The following TTLL9 variants were observed in gnomAD, a reference collection of about 807,000 sequenced individuals.
TTLL9 encodes tubulin tyrosine ligase like 9.
In TTLL9, 47 loss-of-function variants were observed where a neutral mutation model predicts 65.6. The ratio of observed to expected loss-of-function variants is 0.72; its 90% CI spans 0.57 to 0.91. The LOEUF (loss-of-function observed/expected upper bound fraction) is 0.91, where lower values mean the gene tolerates loss of function less well. Among genes scored for constraint, TTLL9 ranks in the 40% least tolerant of loss-of-function variants. The pLI is 0.00. For synonymous variants in TTLL9, 179 were observed against 204.8 expected (o/e 0.87, Z 1.07); for missense variants, 537 against 568.8 (o/e 0.94, Z 0.57).
chr20:31,930,572 T>C (rs1467641147), intron 10 of TTLL9, among the ~76,000 whole-genome samples: 1 of 152,216 alleles, frequency 6.6e-6, no homozygotes, highest in African/African-American at 2.4e-5. Flanking sequence ...GGGATTTTCA[T>C]GTGACAGAAA....
chr20:31,941,955 AG>A (rs1417312993), intron 14 of TTLL9, among the ~76,000 whole-genome samples: 2 of 152,224 alleles, frequency 1.3e-5, no homozygotes, highest in African/African-American at 4.8e-5. Flanking sequence ...GATAACTCAG[AG>A]ATGAGTGTAG....
At chr20:31,904,310 A>G (rs938880019) in intron 4 of TTLL9, among the ~76,000 whole-genome samples, 18 of 151,870 alleles carry the variant, frequency 1.2e-4, no homozygotes, top group Admixed American at 3.3e-4. Context: ...CTTGTTCCCA[A>G]CAAACTTTCA....
At chr20:31,879,796 G>A in intron 2 of TTLL9, 1 of 1,545,246 alleles carries the variant, frequency 6.5e-7, no homozygotes. Flanking sequence ...GCGGATCCAG[G>A]CGCCTGTCTG....
intron 2 of TTLL9, among the ~76,000 whole-genome samples, chr20:31,878,886 G>A (rs538523337): frequency 2.9e-4 from 44 of 152,068 alleles, no homozygotes; most frequent in Non-Finnish European, 5.4e-4. Context: ...AATGAAATGC[G>A]TAGATCTTAA....
At chr20:31,890,554 G>A (rs1301442189) in intron 3 of TTLL9, among the ~76,000 whole-genome samples, 1 of 152,196 alleles carries the variant, frequency 6.6e-6, no homozygotes, top group African/African-American at 2.4e-5. Context: ...AAGGATGTGA[G>A]AGCAAGTGGT....
intron 6 of TTLL9, among the ~76,000 whole-genome samples, chr20:31,915,959 G>A (rs944453014): frequency 1.3e-5 from 2 of 152,170 alleles, no homozygotes; most frequent in African/African-American, 2.4e-5. Flanking sequence ...TTTAGTTCAT[G>A]TGAGCCCCCA....
At chr20:31,934,180 ATCTC>A in intron 11 of TTLL9, 2 of 500,172 alleles carry the variant, frequency 4.0e-6, no homozygotes, top group Non-Finnish European at 7.5e-6. Context: ...GATATATTTT[ATCTC>A]TCTGTCTATG....
At chr20:31,874,740 G>A (rs1477955412) in intron 2 of TTLL9, among the ~76,000 whole-genome samples, 2 of 152,154 alleles carry the variant, frequency 1.3e-5, no homozygotes, top group Non-Finnish European at 2.9e-5. Flanking sequence ...GATTATGATG[G>A]ATTATTCAGA....
chr20:31,904,522 T>G (rs556503558), intron 4 of TTLL9, among the ~76,000 whole-genome samples: 1 of 151,994 alleles, frequency 6.6e-6, no homozygotes, highest in South Asian at 2.1e-4. Context: ...CATGCCTGGC[T>G]AATTTTTGTA....
intron 2 of TTLL9, 52 bp downstream of exon 2, chr20:31,871,247 C>T: frequency 1.3e-6 from 2 of 1,577,734 alleles, no homozygotes; most frequent in Non-Finnish European, 1.7e-6. Context: ...AAGGAGACTA[C>T]ATCAGGATGT....
intron 2 of TTLL9, chr20:31,879,867 C>T: frequency 1.9e-6 from 3 of 1,550,372 alleles, no homozygotes; most frequent in Non-Finnish European, 1.7e-6. Flanking sequence ...GGATCTGGCC[C>T]CTGGGGAATC....
At chr20:31,895,344 A>G (rs1204372147) in intron 3 of TTLL9, among the ~76,000 whole-genome samples, 1 of 151,958 alleles carries the variant, frequency 6.6e-6, no homozygotes, top group African/African-American at 2.4e-5. Flanking sequence ...GCAGTTTTGG[A>G]TTGGGCCTGA....
rs1162101774 is a variant in TTLL9, at chr20:31,894,098, CTT to C, written c.114-4353_114-4352del. 8.9e-3 allele frequency among the ~76,000 whole-genome samples: 817 copies of C among 92,016 alleles called. 2 individuals are homozygous for C. Among genetic ancestry groups the C allele is most frequent in the African/African-American group, 0.033 (777 of 23,894 alleles). The allele number at this position is 92,016 out of a possible 152,430, so 60.4% of individuals were successfully genotyped here. ...TCCCTTCTAGAATTTCCATTTGGTT[CTT>C]TTTTTTTTTTTTTTTTTTTTTGAGA... On this transcript the variant is annotated intron_variant, in intron 3 of 14. Coordinates refer to ENST00000535842, the MANE Select transcript of TTLL9 (RefSeq NM_001008409.5).
intron 2 of TTLL9, among the ~76,000 whole-genome samples, chr20:31,877,781 C>T (rs1452531332): frequency 2.6e-5 from 4 of 152,180 alleles, no homozygotes; most frequent in Admixed American, 6.5e-5. Flanking sequence ...AGAAGTGTCT[C>T]CTTGCCCCAA....
chr20:31,938,578 C>A (rs1418155877), intron 13 of TTLL9, among the ~76,000 whole-genome samples: 1 of 152,172 alleles, frequency 6.6e-6, no homozygotes, highest in African/African-American at 2.4e-5. Context: ...AGACTTTAAA[C>A]CAGAAATCAC....
intron 2 of TTLL9, among the ~76,000 whole-genome samples, chr20:31,885,634 T>C (rs2063178421): frequency 1.3e-5 from 2 of 152,186 alleles, no homozygotes; most frequent in African/African-American, 4.8e-5. Flanking sequence ...TTCTGCCAGT[T>C]TTGTAAAGCA....
chr20:31,911,258 C>T (rs987989898), intron 6 of TTLL9, among the ~76,000 whole-genome samples: 3 of 152,172 alleles, frequency 2.0e-5, no homozygotes, highest in Non-Finnish European at 4.4e-5. Context: ...TTTCTGGTGC[C>T]ACAACTGTCA....
intron 8 of TTLL9, among the ~76,000 whole-genome samples, chr20:31,923,280 C>T (rs559257096): frequency 3.3e-5 from 5 of 152,318 alleles, no homozygotes; most frequent in African/African-American, 1.2e-4. Flanking sequence ...AAATTCTCCT[C>T]CTTTAAAAAC....
chr20:31,941,352 T>C (rs960155688), intron 14 of TTLL9: 1 of 152,078 alleles, frequency 6.6e-6, no homozygotes, highest in African/African-American at 2.4e-5. Flanking sequence ...GCACCAAAGA[T>C]ATCAATGCGC....
Sources: allele counts gnomAD v4.1 joint callset (sites outside exome capture counted in the v4.1 genomes callset), GRCh38; gene constraint gnomAD v4.1.1; transcripts MANE v1.5; gene names NCBI Gene and HGNC (gene_info 2026-07-23, HGNC 2026-07-21).